OR2D2: variants seen among roughly 807,000 people sequenced by gnomAD.
OR2D2 encodes the protein olfactory receptor family 2 subfamily D member 2.
A neutral mutation model predicts 16.0 loss-of-function variants in OR2D2; 20 were observed. The ratio of observed to expected loss-of-function variants is 1.25; its 90% CI spans 0.88 to 1.82. OR2D2 has a LOEUF of 1.82. Ranked by LOEUF, OR2D2 falls within the 40% of genes most tolerant of loss-of-function variation. The pLI is 0.00. For synonymous variants in OR2D2, 164 were observed against 143.9 expected, an observed-to-expected ratio of 1.14 and a Z score of -1.00; for missense variants, 409 against 369.3, an observed-to-expected ratio of 1.11 and a Z score of -0.88.
In OR2D2 at chr11:6,892,210, G is replaced by T; in HGVS notation, c.291C>A (p.Cys97Ter). The T allele has an allele frequency of 6.2e-7, 1 of 1,613,880 alleles. No individual in the cohort carries two copies. Among genetic ancestry groups the T allele is most frequent in the Non-Finnish European group, 8.5e-7 (1 of 1,179,888 alleles). Residue 97 changes from cysteine to a stop codon, truncating the protein, a stop_gained, in exon 1 of 1, where the codon TGC becomes TGA. Coordinates refer to ENST00000299459, the MANE Select transcript of OR2D2 (RefSeq NM_003700.1). LOFTEE classifies it high-confidence loss of function. The stretch of plus-strand genomic sequence containing the variant: ...TGAGGAAAAAGAGAAGTCGAGCTGC[G>T]CAAAGTGTGAATGCAATGACCTTCT... ...SRKKVIAFTL[C>*]AARLLFFLIF...
rs764731220 is a variant in OR2D2, at chr11:6,892,160, A to AG, written c.340dup (p.Leu114ProfsTer8). 1 of 1,613,894 alleles carries AG rather than the reference A, an allele frequency of 6.2e-7. No individual in the cohort carries two copies. The highest frequency in any genetic ancestry group is 1.1e-5 in the South Asian group (1 of 91,084). On this transcript the variant is annotated frameshift_variant, in exon 1 of 1. Transcript: ENST00000299459. LOFTEE classifies it high-confidence loss of function. ...GCGATCATAGGACATCACTGCAAGA[A>AG]GGGCGCACTGGGTACACCCAAAAAT...
Position 6,891,915 on chromosome 11 carries a change from C to A in OR2D2, c.586G>T (p.Glu196Ter), listed in dbSNP as rs763411358. The change falls in exon 1 of 1, where the codon GAG becomes TAG. Residue 196 changes from glutamate to a stop codon, truncating the protein, a stop_gained. Transcript: ENST00000299459. LOFTEE classifies it high-confidence loss of function. ...ACCCCCATAAGAAAAATGGCCATCTCTGATGCATGGGTGTCTGTGGATGCT... is the reference window on the plus strand; with the variant it reads ...ACCCCCATAAGAAAAATGGCCATCTATGATGCATGGGTGTCTGTGGATGCT... ...ILASTDTHAS[E>*]MAIFLMGVVI... 12 of 1,613,602 alleles carry A rather than the reference C, an allele frequency of 7.4e-6. No individual in the cohort carries two copies. Among genetic ancestry groups the A allele is most frequent in the Non-Finnish European group, 7.6e-6 (9 of 1,179,840 alleles).
chr11:6,892,359 G>T lies in OR2D2; in HGVS notation c.142C>A (p.Leu48Ile). ...TGAAGTTGGGAGTCAACATGAACAA[G>T]GGAGATTAGAAGCAGATTTCCAAGC... is the stretch of plus-strand genomic sequence containing the variant. ...TVLGNLLLIS[L>I]VHVDSQLHTP... Residue 48 changes from leucine to isoleucine, a missense_variant, in exon 1 of 1, where the codon CTT becomes ATT. Coordinates refer to ENST00000299459, the MANE Select transcript of OR2D2 (RefSeq NM_003700.1). The T allele has an allele frequency of 6.2e-7, 1 of 1,613,720 alleles. No homozygotes were observed. Among genetic ancestry groups the T allele is most frequent in the Non-Finnish European group, 8.5e-7 (1 of 1,179,814 alleles).
At position 6,891,987 on chromosome 11, in the gene OR2D2, T is replaced by G. The variant is rs780901171; in HGVS notation, c.514A>C (p.Asn172His). The G allele has an allele frequency of 1.2e-6, 2 of 1,613,616 alleles. No individual in the cohort carries two copies. The highest frequency in any genetic ancestry group is 2.7e-5 in the African/African-American group (2 of 74,884). Reference protein sequence around the residue: ...FILRLPYRGSNSIAHFFCEAP... With the variant: ...FILRLPYRGSHSIAHFFCEAP... ...TCACAAAAGAAATGAGCAATGCTGTTACTGCCTCGGTAGGGTAGCCTCAGT... is the reference window on the plus strand; with the variant it reads ...TCACAAAAGAAATGAGCAATGCTGTGACTGCCTCGGTAGGGTAGCCTCAGT... Residue 172 changes from asparagine to histidine, a missense_variant, in exon 1 of 1, where the codon AAC becomes CAC. Asn to His is a moderately conservative substitution (Grantham distance 68). Coordinates refer to ENST00000299459, the MANE Select transcript of OR2D2 (RefSeq NM_003700.1).
Position 6,891,695 on chromosome 11 carries a change from T to A in OR2D2, c.806A>T (p.Glu269Val), listed in dbSNP as rs1848594566. 4 of 1,613,208 alleles carry A rather than the reference T, an allele frequency of 2.5e-6. No individual in the cohort carries two copies. The highest frequency in any genetic ancestry group is 2.7e-5 in the African/African-American group (2 of 74,492). Reference sequence around the variant, plus strand: ...TGCATAGAAAACAGACACCGATTTTTCCTGCTGTTTGGAAGACTTGGGTGT... The same window carrying A: ...TGCATAGAAAACAGACACCGATTTTACCTGCTGTTTGGAAGACTTGGGTGT... Reference protein sequence around the residue: ...YMTPKSSKQQEKSVSVFYAIV... With the variant: ...YMTPKSSKQQVKSVSVFYAIV... The change falls in exon 1 of 1, where the codon GAA becomes GTA. Residue 269 changes from glutamate (E) to valine (V), a missense_variant. By Grantham distance (121) the Glu-to-Val change is moderately radical. Transcript: ENST00000299459.
Position 6,891,996 on chromosome 11 carries a change from G to A in OR2D2, c.505C>T (p.Arg169Ter), listed in dbSNP as rs148113613. ...AAATGAGCAATGCTGTTACTGCCTCGGTAGGGTAGCCTCAGTATGAAGGTG... is the reference window on the plus strand; with the variant it reads ...AAATGAGCAATGCTGTTACTGCCTCAGTAGGGTAGCCTCAGTATGAAGGTG... ...DTTFILRLPYRGSNSIAHFFC... is the reference protein window; with the variant it reads ...DTTFILRLPY The change falls in exon 1 of 1, where the codon CGA becomes TGA. Residue 169 changes from arginine to a stop codon, truncating the protein, a stop_gained. Transcript: ENST00000299459. LOFTEE classifies it high-confidence loss of function. 3.4e-5 allele frequency: 55 copies of A among 1,613,554 alleles called. No individual in the cohort carries two copies. The highest frequency in any genetic ancestry group is 6.7e-5 in the Admixed American group (4 of 59,908).
At position 6,892,465 on chromosome 11, in the gene OR2D2, G is replaced by A; in HGVS notation, c.36C>T (p.Phe12=). 2 of 1,611,580 alleles carry A rather than the reference G, an allele frequency of 1.2e-6. No individual in the cohort carries two copies. The highest frequency in any genetic ancestry group is 4.5e-5 in the East Asian group (2 of 44,820). Residue 12 remains phenylalanine, a synonymous_variant, in exon 1 of 1, where the codon TTC becomes TTT. Coordinates refer to ENST00000299459, the MANE Select transcript of OR2D2 (RefSeq NM_003700.1). ...GCCCATCAGAGAGTCCCAGAAGGAG[G>A]AATTCTGTCACTTGTGTCTGATTTA... ...RQINQTQVTE[F]LLLGLSDGPH... is the part of the protein sequence containing the mutation.
rs761862271 is a variant in OR2D2 at position 6,892,405 on chromosome 11, C to G, written c.96G>C (p.Leu32Phe). The change falls in exon 1 of 1, where the codon TTG becomes TTC. Residue 32 changes from leucine to phenylalanine, a missense_variant. Physicochemically the swap from Leu to Phe is conservative, Grantham distance 22. Transcript: ENST00000299459. ...CAAGCACAGTGACCAGGTAGACACC[C>G]AATAATACGATAAATAGCAGCTGCT... ...HTEQLLFIVL[L>F]GVYLVTVLGN... 1.9e-6 allele frequency: 3 copies of G among 1,613,504 alleles called. No homozygotes were observed. Among genetic ancestry groups the G allele is most frequent in the African/African-American group, 2.7e-5 (2 of 74,820 alleles).
rs1320276866 is a variant in OR2D2 at position 6,892,007 on chromosome 11, C to T, written c.494G>A (p.Arg165Lys). 1 of 1,613,734 alleles carries T rather than the reference C, an allele frequency of 6.2e-7. No individual in the cohort carries two copies. The highest frequency in any genetic ancestry group is 8.5e-7 in the Non-Finnish European group (1 of 1,179,818). The change falls in exon 1 of 1, where the codon AGG becomes AAG. Residue 165 changes from arginine to lysine, a missense_variant. By Grantham distance (26) the Arg-to-Lys change is conservative. Transcript: ENST00000299459. The part of the protein sequence containing the change: ...VSVVDTTFIL[R>K]LPYRGSNSIA... ...GCTGTTACTGCCTCGGTAGGGTAGC[C>T]TCAGTATGAAGGTGGTGTCTACCAC... is the stretch of plus-strand genomic sequence containing the variant.
rs202205802 is a variant in OR2D2, at chr11:6,891,807, C to T, written c.694G>A (p.Val232Met). 6.2e-7 allele frequency: 1 copy of T among 1,613,818 alleles called. No homozygotes were observed. Among genetic ancestry groups the T allele is most frequent in the Non-Finnish European group, 8.5e-7 (1 of 1,179,862 alleles). Residue 232 changes from valine (V) to methionine (M), a missense_variant, in exon 1 of 1, where the codon GTG becomes ATG. Physicochemically the swap from Val to Met is conservative, Grantham distance 21. Transcript: ENST00000299459. The part of the protein sequence containing the change: ...IVTVVKMKST[V>M]GSLKAFSTCG... ...GTAGAAAATGCCTTGAGACTCCCCA[C>T]AGTTGACTTCATCTTGACCACAGTT...
chr11:6,892,039 C>T lies in OR2D2; in HGVS notation c.462G>A (p.Leu154=), dbSNP rs1404520661. 3.7e-6 allele frequency: 6 copies of T among 1,613,720 alleles called. No individual in the cohort carries two copies. The highest frequency in any genetic ancestry group is 5.1e-6 in the Non-Finnish European group (6 of 1,179,808). Residue 154 remains leucine, a synonymous_variant, in exon 1 of 1, where the codon CTG becomes CTA. Coordinates refer to ENST00000299459, the MANE Select transcript of OR2D2 (RefSeq NM_003700.1). ...TGAAGGTGGTGTCTACCACAGACAC[C>T]AGAATGCCACTGGTCCATGATCCTG... ...LATGSWTSGI[L]VSVVDTTFIL...
Position 6,892,445 on chromosome 11 carries a change from T to C in OR2D2, c.56A>G (p.Asp19Gly), listed in dbSNP as rs754241838. 15 of 1,613,424 alleles carry C rather than the reference T, an allele frequency of 9.3e-6. No individual in the cohort carries two copies. The highest frequency in any genetic ancestry group is 4.0e-5 in the African/African-American group (3 of 74,880). The change falls in exon 1 of 1, where the codon GAT becomes GGT. Residue 19 changes from aspartate to glycine, a missense_variant. Transcript: ENST00000299459. ...TAGCAGCTGCTCGGTGTGTGGCCCA[T>C]CAGAGAGTCCCAGAAGGAGGAATTC... ...VTEFLLLGLS[D>G]GPHTEQLLFI...
chr11:6,892,368 G>A lies in OR2D2; in HGVS notation c.133C>T (p.Leu45=). 6.2e-7 allele frequency: 1 copy of A among 1,613,746 alleles called. No homozygotes were observed. The highest frequency in any genetic ancestry group is 8.5e-7 in the Non-Finnish European group (1 of 1,179,814). ...YLVTVLGNLL[L]ISLVHVDSQL... ...GAGTCAACATGAACAAGGGAGATTA[G>A]AAGCAGATTTCCAAGCACAGTGACC... The change falls in exon 1 of 1, where the codon CTA becomes TTA. Residue 45 remains leucine (L), a synonymous_variant. Coordinates refer to ENST00000299459, the MANE Select transcript of OR2D2 (RefSeq NM_003700.1).
At position 6,892,228 on chromosome 11, in the gene OR2D2, G is replaced by C. The variant is rs149994988; in HGVS notation, c.273C>G (p.Val91=). 4.2e-5 allele frequency: 68 copies of C among 1,613,930 alleles called. No individual in the cohort carries two copies. The African/African-American group carries it at 8.3e-4, about 20-fold the overall frequency. ...ALVHLLSRKK[V]IAFTLCAARL... is the part of the protein sequence containing the mutation. ...GAGCTGCGCAAAGTGTGAATGCAAT[G>C]ACCTTCTTTCTGGAAAGCAGGTGGA... Residue 91 remains valine, a synonymous_variant, in exon 1 of 1, where the codon GTC becomes GTG. Transcript: ENST00000299459.
In OR2D2 at chr11:6,892,252, G is replaced by C; in HGVS notation, c.249C>G (p.Val83=). The change falls in exon 1 of 1, where the codon GTC becomes GTG. Residue 83 remains valine (V), a synonymous_variant. Transcript: ENST00000299459. ...FSTNIVPQAL[V]HLLSRKKVIA... Reference sequence around the variant, plus strand: ...TGACCTTCTTTCTGGAAAGCAGGTGGACTAGTGCCTGAGGAACTATGTTGG... The same window carrying C: ...TGACCTTCTTTCTGGAAAGCAGGTGCACTAGTGCCTGAGGAACTATGTTGG... 1 of 1,613,930 alleles carries C rather than the reference G, an allele frequency of 6.2e-7. No homozygotes were observed. Among genetic ancestry groups the C allele is most frequent in the Non-Finnish European group, 8.5e-7 (1 of 1,179,888 alleles).
Position 6,891,662 on chromosome 11 carries a change from G to C in OR2D2, c.839C>G (p.Thr280Ser), listed in dbSNP as rs150538963. The part of the protein sequence containing the change: ...KSVSVFYAIV[T>S]PMLNPLIYSL... ...ATAGATGAGGGGATTAAGCATGGGA[G>C]TCACTATTGCATAGAAAACAGACAC... Residue 280 changes from threonine to serine, a missense_variant, in exon 1 of 1, where the codon ACT becomes AGT. Transcript: ENST00000299459. The C allele has an allele frequency of 5.6e-4, 906 of 1,613,426 alleles. 1 individual carries two copies. Among genetic ancestry groups the C allele is most frequent in the Non-Finnish European group, 7.2e-4 (844 of 1,179,784 alleles).
In OR2D2 at chr11:6,892,324, C is replaced by T; in HGVS notation, c.177G>A (p.Met59Ile). Residue 59 changes from methionine (M) to isoleucine (I), a missense_variant, in exon 1 of 1, where the codon ATG (methionine) becomes ATA (isoleucine). Met to Ile is a conservative substitution (Grantham distance 10, BLOSUM62 1). Coordinates refer to ENST00000299459, the MANE Select transcript of OR2D2 (RefSeq NM_003700.1). ...GAGACAAGTTGCAGAGAAAAAAATA[C>T]ATGGGTGTGTGAAGTTGGGAGTCAA... ...VHVDSQLHTP[M>I]YFFLCNLSLA... 1 of 1,613,662 alleles carries T rather than the reference C, an allele frequency of 6.2e-7. No homozygotes were observed. The highest frequency in any genetic ancestry group is 8.5e-7 in the Non-Finnish European group (1 of 1,179,818).
In OR2D2 at chr11:6,891,919, T is replaced by C. The variant is rs145695614; in HGVS notation, c.582A>G (p.Ala194=). Reference sequence around the variant, plus strand: ...CCATAAGAAAAATGGCCATCTCTGATGCATGGGTGTCTGTGGATGCTAAGA... The same window carrying C: ...CCATAAGAAAAATGGCCATCTCTGACGCATGGGTGTCTGTGGATGCTAAGA... ...LLILASTDTH[A]SEMAIFLMGV... Residue 194 remains alanine (A), a synonymous_variant, in exon 1 of 1, where the codon GCA becomes GCG. Transcript: ENST00000299459. The C allele has an allele frequency of 1.2e-5, 20 of 1,613,610 alleles. No individual in the cohort carries two copies. The highest frequency in any genetic ancestry group is 2.7e-5 in the African/African-American group (2 of 74,874).
chr11:6,891,970 G>T lies in OR2D2; in HGVS notation c.531C>A (p.Phe177Leu). The change falls in exon 1 of 1, where the codon TTC (phenylalanine) becomes TTA (leucine). Residue 177 changes from phenylalanine (F) to leucine (L), a missense_variant. By Grantham distance (22) the Phe-to-Leu change is conservative. Coordinates refer to ENST00000299459, the MANE Select transcript of OR2D2 (RefSeq NM_003700.1). ...TCAATAGTGCAGGGGCCTCACAAAA[G>T]AAATGAGCAATGCTGTTACTGCCTC... ...PYRGSNSIAH[F>L]FCEAPALLIL... is the part of the protein sequence containing the mutation. 6.2e-7 allele frequency: 1 copy of T among 1,613,694 alleles called. No individual in the cohort carries two copies. The highest frequency in any genetic ancestry group is 8.5e-7 in the Non-Finnish European group (1 of 1,179,806).
Sources: gnomAD v4.1 joint callset for allele counts on GRCh38, gnomAD v4.1.1 for gene constraint, MANE v1.5 for transcripts, NCBI Gene and HGNC (gene_info 2026-07-23, HGNC 2026-07-21) for gene names.